Variants in EFR3B observed in about 807,000 individuals in gnomAD.
EFR3B encodes the protein EFR3 homolog B, also known as protein EFR3 homolog B.
In EFR3B, 64 loss-of-function variants were observed where a neutral mutation model predicts 104.7. The ratio of observed to expected loss-of-function variants is 0.61; its 90% CI spans 0.50 to 0.75. EFR3B has a LOEUF of 0.75. Ranked by LOEUF, EFR3B falls within the 30% of genes least tolerant of loss-of-function variation. The pLI, the probability that EFR3B is intolerant of heterozygous loss-of-function variation, is 0.00. For missense variants in EFR3B, 750 were observed against 1,078.5 expected, an observed-to-expected ratio of 0.70 and a Z score of 4.27; for synonymous variants, 385 against 417.9, an observed-to-expected ratio of 0.92 and a Z score of 0.96.
At chr2:25,138,441 A>G (rs1056294819) in intron 15 of EFR3B, among the ~76,000 whole-genome samples, 4 of 152,134 alleles carry the variant, frequency 2.6e-5, no homozygotes, top group African/African-American at 9.7e-5. Flanking sequence ...TTGGACCTCA[A>G]AGGCTGGGTC....
intron 17 of EFR3B, among the ~76,000 whole-genome samples, chr2:25,142,141 A>G (rs1670686053): frequency 6.6e-6 from 1 of 152,084 alleles, no homozygotes; most frequent in Admixed American, 6.6e-5. Context: ...TCTACAAAAA[A>G]TGTTTAAAAA....
At chr2:25,050,487 A>T (rs1019465585) in intron 1 of EFR3B, among the ~76,000 whole-genome samples, 8 of 152,236 alleles carry the variant, frequency 5.3e-5, no homozygotes, top group African/African-American at 7.2e-5. Flanking sequence ...ACTTAAAAAA[A>T]TTTTTTTCCA....
chr2:25,049,282 T>C (rs553900014), intron 1 of EFR3B, among the ~76,000 whole-genome samples: 33 of 152,350 alleles, frequency 2.2e-4, no homozygotes, highest in African/African-American at 7.9e-4. Flanking sequence ...ATTTGCGTGT[T>C]AGTAAATCGT....
intron 3 of EFR3B, among the ~76,000 whole-genome samples, chr2:25,099,657 A>T (rs1669376907): frequency 6.6e-6 from 1 of 151,782 alleles, no homozygotes; most frequent in African/African-American, 2.4e-5. Context: ...CTGATGTCTT[A>T]AAAAAAATTT....
chr2:25,151,809 G>A, intron 20 of EFR3B, 105 bp from the exon 21 acceptor site: 2 of 1,287,496 alleles, frequency 1.6e-6, no homozygotes, highest in Non-Finnish European at 2.2e-6. Flanking sequence ...CTCTTCAGAA[G>A]AGGGGAGAGC....
chr2:25,046,605 G>A (rs1022910826), intron 1 of EFR3B, among the ~76,000 whole-genome samples: 1 of 146,934 alleles, frequency 6.8e-6, no homozygotes, highest in Admixed American at 6.9e-5. Context: ...TGGGGTTCAC[G>A]CCATTCTCCT....
At chr2:25,080,380 C>T (rs1558593538) in intron 1 of EFR3B, 2 of 544,790 alleles carry the variant, frequency 3.7e-6, no homozygotes, top group Non-Finnish European at 6.5e-6. Flanking sequence ...CTGCAACCTC[C>T]GCCTCCCATG....
intron 1 of EFR3B, among the ~76,000 whole-genome samples, chr2:25,087,240 A>T (rs1394932717): frequency 6.6e-6 from 1 of 152,074 alleles, no homozygotes; most frequent in Non-Finnish European, 1.5e-5. Flanking sequence ...GGTCCCTCCC[A>T]TGACACGTGG....
At chr2:25,106,578 C>T (rs1305230854) in intron 4 of EFR3B, among the ~76,000 whole-genome samples, 1 of 152,026 alleles carries the variant, frequency 6.6e-6, no homozygotes, top group Non-Finnish European at 1.5e-5. Context: ...CTGCCAAAGC[C>T]TCCCGAGTAA....
intron 1 of EFR3B, among the ~76,000 whole-genome samples, chr2:25,047,031 C>T (rs1326925673): frequency 6.6e-6 from 1 of 152,222 alleles, no homozygotes; most frequent in East Asian, 1.9e-4. Context: ...AGAAGGGGGC[C>T]AGGTGAGCCT....
chr2:25,091,539 G>T, intron 2 of EFR3B, 138 bp downstream of exon 2: 1 of 725,282 alleles, frequency 1.4e-6, no homozygotes, highest in Non-Finnish European at 2.2e-6. Flanking sequence ...AGCCTTCCCA[G>T]AGAAACTGGA....
chr2:25,047,715 T>A (rs1249829761), intron 1 of EFR3B, among the ~76,000 whole-genome samples: 1 of 152,024 alleles, frequency 6.6e-6, no homozygotes, highest in South Asian at 2.1e-4. Flanking sequence ...GCCAGGCTAG[T>A]CTCGAACTCC....
At chr2:25,132,074 C>T (rs1446848403) in intron 10 of EFR3B, among the ~76,000 whole-genome samples, 163 bp downstream of exon 10, 2 of 119,864 alleles carry the variant, frequency 1.7e-5, no homozygotes, top group Admixed American at 9.0e-5. Context: ...GCACCGGGGG[C>T]GGCCCGGGGA....
chr2:25,074,622 T>G (rs1398592752), intron 1 of EFR3B, among the ~76,000 whole-genome samples: 2 of 146,728 alleles, frequency 1.4e-5, no homozygotes, highest in Non-Finnish European at 3.0e-5. Context: ...TCTGCCAACT[T>G]TTTTTTTTTT....
intron 16 of EFR3B, among the ~76,000 whole-genome samples, chr2:25,139,404 G>A (rs747769858): frequency 4.6e-5 from 7 of 151,910 alleles, no homozygotes; most frequent in Non-Finnish European, 1.0e-4. Flanking sequence ...GGTTGGGGGG[G>A]GTCTTCTATA....
intron 17 of EFR3B, among the ~76,000 whole-genome samples, chr2:25,142,023 G>A (rs1415476295): frequency 6.6e-6 from 1 of 152,178 alleles, no homozygotes; most frequent in Non-Finnish European, 1.5e-5. Context: ...GACTAAGCTG[G>A]GTGCGGTGGC....
intron 4 of EFR3B, among the ~76,000 whole-genome samples, chr2:25,112,034 C>G (rs918284694): frequency 9.9e-5 from 15 of 152,216 alleles, no homozygotes; most frequent in African/African-American, 2.9e-4. Context: ...TTCCTCATCC[C>G]CCTGAGTGTC....
chr2:25,120,034 G>C (rs1167844190), intron 4 of EFR3B, among the ~76,000 whole-genome samples: 1 of 152,082 alleles, frequency 6.6e-6, no homozygotes, highest in African/African-American at 2.4e-5. Context: ...GTTGTTTGGG[G>C]GTACTAGATT....
chr2:25,130,822 C>T lies in EFR3B; in HGVS notation c.849+192C>T, dbSNP rs1027693957. On this transcript the variant is annotated intron_variant, in intron 8 of 22. Transcript: ENST00000403714. The surrounding 1 kb of genome is among the most constrained non-coding windows in gnomAD (Gnocchi z 4.6). Reference sequence around the variant, plus strand: ...ATTTCCAGTACATCACAGACCAATACTTTTATAAAATACAATTAAAACAAA... The same window carrying T: ...ATTTCCAGTACATCACAGACCAATATTTTTATAAAATACAATTAAAACAAA... 6.6e-6 allele frequency among the ~76,000 whole-genome samples: 1 copy of T among 152,316 alleles called. No homozygotes were observed. The highest frequency in any genetic ancestry group is 2.4e-5 in the African/African-American group (1 of 41,552).
Sources: allele counts gnomAD v4.1 joint callset (sites outside exome capture counted in the v4.1 genomes callset), GRCh38; gene constraint gnomAD v4.1.1; non-coding constraint Gnocchi (gnomAD v3.1); transcripts MANE v1.5; gene names NCBI Gene and HGNC (gene_info 2026-07-23, HGNC 2026-07-21).